Variants in CHD2 observed in about 807,000 individuals in gnomAD.
The protein encoded by CHD2 is ATP-dependent chromatin remodeler CHD2.
CHD2 carries 28 observed loss-of-function variants against 243.9 expected under a neutral mutation model. That is an observed-to-expected ratio of 0.11 (90% CI 0.09 to 0.16). CHD2 has a LOEUF of 0.16. Ranked by LOEUF, CHD2 falls within the 10% of genes least tolerant of loss-of-function variation. The probability of loss-of-function intolerance (pLI) is 1.00; values close to 1 mark genes in which losing one functional copy is unlikely to be tolerated. For missense variants in CHD2, 1,386 were observed against 2,209.8 expected, an observed-to-expected ratio of 0.63 and a Z score of 7.47; for synonymous variants, 775 against 779.0, an observed-to-expected ratio of 0.99 and a Z score of 0.09.
chr15:92,907,353 A>G (rs1398531501), intron 2 of CHD2, among the ~76,000 whole-genome samples: 1 of 152,220 alleles, frequency 6.6e-6, no homozygotes, highest in Non-Finnish European at 1.5e-5. Context: ...ATCATACTGA[A>G]AAGTATTTCA....
At position 92,985,685 on chromosome 15, in the gene CHD2, C is replaced by T. The variant is rs1347344078; in HGVS notation, c.3413+12C>T. ...GCAGAGATCCGAAGGTTGGTGGAGG[C>T]TCTGTTCTCACTGAGCTTGTTTGAA... On this transcript the variant is annotated intron_variant, in intron 26 of 38. Coordinates refer to ENST00000394196, the MANE Select transcript of CHD2 (RefSeq NM_001271.4). 6.2e-7 allele frequency: 1 copy of T among 1,604,448 alleles called. No homozygotes were observed. Among genetic ancestry groups the T allele is most frequent in the Non-Finnish European group, 8.5e-7 (1 of 1,176,740 alleles).
intron 28 of CHD2, among the ~76,000 whole-genome samples, chr15:92,995,708 A>G (rs2054179091): frequency 6.6e-6 from 1 of 152,226 alleles, no homozygotes; most frequent in Non-Finnish European, 1.5e-5. Context: ...AGAAAGTCAC[A>G]ATGAATAATG....
chr15:92,941,339 A>G (rs755383072), intron 7 of CHD2, among the ~76,000 whole-genome samples: 2 of 152,102 alleles, frequency 1.3e-5, no homozygotes, highest in Non-Finnish European at 2.9e-5. Context: ...TGAAGCTTCC[A>G]GCAGTCTGGG....
Position 92,953,537 on chromosome 15 carries a change from A to T in CHD2, c.1683A>T (p.Val561=). 2.5e-6 allele frequency: 4 copies of T among 1,614,162 alleles called. No homozygotes were observed. Among genetic ancestry groups the T allele is most frequent in the Non-Finnish European group, 3.4e-6 (4 of 1,180,018 alleles). Residue 561 remains valine (V), a synonymous_variant, in exon 14 of 39, where the codon GTA becomes GTT. Coordinates refer to ENST00000394196, the MANE Select transcript of CHD2 (RefSeq NM_001271.4). ...AAATCTGGGCACCAGAGATTAACGTAGTGGTTTACATAGGTGACCTGATGA... is the reference window on the plus strand; with the variant it reads ...AAATCTGGGCACCAGAGATTAACGTTGTGGTTTACATAGGTGACCTGATGA... ...EFEIWAPEIN[V]VVYIGDLMSR... is the part of the protein sequence containing the mutation.
rs150908912 is a variant in CHD2 at position 92,958,360 on chromosome 15, C to T, written c.2000+1711C>T. Among the ~76,000 whole-genome samples the T allele has an allele frequency of 7.2e-5, 11 of 152,230 alleles. No homozygotes were observed. In the East Asian group the frequency reaches 9.7e-4, roughly 13 times the overall value. Reference sequence around the variant, plus strand: ...TTCCCTAATGACTAATGATGTTGAACGTCTTTTCATGTGTTCATTAGCCAT... The same window carrying T: ...TTCCCTAATGACTAATGATGTTGAATGTCTTTTCATGTGTTCATTAGCCAT... On this transcript the variant is annotated intron_variant, in intron 16 of 38. Transcript: ENST00000394196.
intron 28 of CHD2, among the ~76,000 whole-genome samples, chr15:92,996,244 C>G (rs557640208): frequency 1.3e-5 from 2 of 149,160 alleles, no homozygotes; most frequent in African/African-American, 5.0e-5. Context: ...ACTGCAAGCT[C>G]TGCCTCCTGG....
At chr15:93,014,959 T>G (rs778157778) in intron 37 of CHD2, 50 bp downstream of exon 37, 15 of 1,473,310 alleles carry the variant, frequency 1.0e-5, no homozygotes, top group East Asian at 2.3e-5. Flanking sequence ...GATAAAAAAT[T>G]CACACAGCCG....
Position 92,933,307 on chromosome 15 carries a change from A to G in CHD2, c.444-4211A>G, listed in dbSNP as rs544832420. On this transcript the variant is annotated intron_variant, in intron 5 of 38. Coordinates refer to ENST00000394196, the MANE Select transcript of CHD2 (RefSeq NM_001271.4). ...GTTAGCATCATTTAATTGAGAGTGC[A>G]TAACAATCTGTGTTTTTAGCTTCTT... 6.0e-4 allele frequency among the ~76,000 whole-genome samples: 91 copies of G among 152,362 alleles called. 2 individuals carry two copies. The South Asian group carries it at 0.018, about 30-fold the overall frequency.
chr15:92,940,172 G>A (rs569897514), intron 7 of CHD2, among the ~76,000 whole-genome samples: 1 of 152,292 alleles, frequency 6.6e-6, no homozygotes, highest in South Asian at 2.1e-4. Flanking sequence ...TAGTGAAATA[G>A]GCCAGGCTCA....
At chr15:92,920,320 T>C (rs1322107938) in intron 2 of CHD2, among the ~76,000 whole-genome samples, 2 of 152,156 alleles carry the variant, frequency 1.3e-5, no homozygotes, top group African/African-American at 4.8e-5. Flanking sequence ...ATATGGAAAG[T>C]GTATCAGAGA....
At position 92,924,425 on chromosome 15, in the gene CHD2, G is replaced by C; in HGVS notation, c.167G>C (p.Ser56Thr). 6.2e-7 allele frequency: 1 copy of C among 1,614,152 alleles called. No individual in the cohort carries two copies. Among genetic ancestry groups the C allele is most frequent in the Non-Finnish European group, 8.5e-7 (1 of 1,180,012 alleles). The change falls in exon 3 of 39, where the codon AGC (serine) becomes ACC (threonine). Residue 56 changes from serine to threonine, a missense_variant. This residue lies in a region of CHD2 where 89 missense variants were observed against 102.4 expected (regional missense o/e 0.87). Transcript: ENST00000394196. ...GGACATGGCAGCGAGTCGAACAGCA[G>C]CTCTGAATCTTCTGAGAGTCAGTCG... ...GSGHGSESNSSSESSESQSES... is the reference protein window; with the variant it reads ...GSGHGSESNSTSESSESQSES...
chr15:92,913,477 G>A (rs1278123632), intron 2 of CHD2, among the ~76,000 whole-genome samples: 1 of 152,122 alleles, frequency 6.6e-6, no homozygotes, highest in Admixed American at 6.5e-5. Context: ...CTAGTGGGTA[G>A]AGGCCAGAGA....
At chr15:92,988,306 A>C (rs2054071369) in intron 26 of CHD2, among the ~76,000 whole-genome samples, 1 of 152,068 alleles carries the variant, frequency 6.6e-6, no homozygotes, top group African/African-American at 2.4e-5. Flanking sequence ...GCTGGTCTTG[A>C]ACTTCTGACC....
chr15:92,996,816 G>T, intron 28 of CHD2, 141 bp from the exon 29 acceptor site: 3 of 762,582 alleles, frequency 3.9e-6, no homozygotes, highest in South Asian at 2.5e-5. Context: ...AAAAAAATTT[G>T]TCTTATAGAT....
At chr15:92,982,926 A>G (rs1325893735) in intron 24 of CHD2, among the ~76,000 whole-genome samples, 1 of 152,198 alleles carries the variant, frequency 6.6e-6, no homozygotes, top group Non-Finnish European at 1.5e-5. Flanking sequence ...GTTTATAAAC[A>G]ATAGAAATGT....
chr15:92,979,369 A>G (rs2053948428), intron 22 of CHD2, 86 bp downstream of exon 22: 12 of 1,469,358 alleles, frequency 8.2e-6, no homozygotes, highest in South Asian at 3.8e-5. Context: ...TACCACAGAC[A>G]TTAGTCTGTT....
rs147868274 is a variant in CHD2, at chr15:93,004,083, C to T, written c.4279-534C>T. Among the ~76,000 whole-genome samples, 567 of 149,138 alleles carry T rather than the reference C, an allele frequency of 3.8e-3. 6 individuals carry two copies. Among genetic ancestry groups the T allele is most frequent in the African/African-American group, 0.013 (529 of 40,244 alleles). On this transcript the variant is annotated intron_variant, in intron 33 of 38. Coordinates refer to ENST00000394196, the MANE Select transcript of CHD2 (RefSeq NM_001271.4). ...AGGTTGCAGTGAGCCGAGATCATGA[C>T]GCTGCACTCCGGCCAGGATGACAGA...
At chr15:92,966,144 A>G (rs112549239) in intron 16 of CHD2, among the ~76,000 whole-genome samples, 4,504 of 150,664 alleles carry the variant, frequency 0.03, 103 homozygotes, top group Middle Eastern at 0.075. Flanking sequence ...GCTCACTGCA[A>G]CCTTCATCTC....
At chr15:92,942,110 A>G (rs2053391035) in intron 8 of CHD2, among the ~76,000 whole-genome samples, 155 bp downstream of exon 8, 1 of 152,234 alleles carries the variant, frequency 6.6e-6, no homozygotes. Context: ...AGCTGAGGAC[A>G]AAGGTATGTG....
Sources: allele counts gnomAD v4.1 joint callset (sites outside exome capture counted in the v4.1 genomes callset), GRCh38; gene constraint gnomAD v4.1.1; regional missense constraint gnomAD v4.1.1; transcripts MANE v1.5; gene names NCBI Gene and HGNC (gene_info 2026-07-23, HGNC 2026-07-21).